POMK: variants seen among roughly 807,000 people sequenced by gnomAD.
POMK encodes protein O-mannose kinase.
Under a neutral mutation model 23.0 loss-of-function variants are expected in POMK, and 19 were observed. The ratio of observed to expected loss-of-function variants is 0.83; its 90% CI spans 0.58 to 1.21. POMK has a LOEUF of 1.21. Ranked by LOEUF, POMK falls within the 50% of genes most tolerant of loss-of-function variation. The probability of loss-of-function intolerance (pLI) is 0.00; values close to 1 mark genes in which losing one functional copy is unlikely to be tolerated. For missense variants in POMK, 410 were observed against 431.3 expected (o/e 0.95, Z 0.44); for synonymous variants, 173 against 171.6 (o/e 1.01, Z -0.06).
rs1186833383 is a variant in POMK at position 43,103,771 on chromosome 8, G to A, written c.223G>A (p.Glu75Lys). Residue 75 changes from glutamate (E) to lysine (K), a missense_variant, in exon 4 of 5, where the codon GAG becomes AAG. Glu to Lys is a moderately conservative substitution (Grantham distance 56). Transcript: ENST00000331373. Reference protein sequence around the residue: ...MKNCSPWLSCEELRTEVRQLK... With the variant: ...MKNCSPWLSCKELRTEVRQLK... ...AAACTGCTCACCTTGGCTGTCCTGC[G>A]AGGAGCTGAGAACAGAAGTGAGACA... 3 of 1,614,112 alleles carry A rather than the reference G, an allele frequency of 1.9e-6. No homozygotes were observed. Among genetic ancestry groups the A allele is most frequent in the South Asian group, 2.2e-5 (2 of 91,090 alleles).
intron 4 of POMK, among the ~76,000 whole-genome samples, chr8:43,112,407 G>A (rs1811692359): frequency 6.6e-6 from 1 of 152,198 alleles, no homozygotes; most frequent in Admixed American, 6.5e-5. Flanking sequence ...AGAAATGTGG[G>A]ACTATGTGAA....
intron 1 of POMK, among the ~76,000 whole-genome samples, chr8:43,094,558 CT>C (rs1811294779): frequency 6.6e-6 from 1 of 152,242 alleles, no homozygotes; most frequent in African/African-American, 2.4e-5. Flanking sequence ...CTTTGCCACC[CT>C]TTGCCTTTGC....
intron 1 of POMK, among the ~76,000 whole-genome samples, chr8:43,097,236 G>T (rs887345631): frequency 3.3e-5 from 5 of 152,182 alleles, no homozygotes; most frequent in African/African-American, 1.2e-4. Context: ...GATTCAGTAG[G>T]TTTGGAGTGT....
At chr8:43,115,623 A>G (rs117715318) in intron 4 of POMK, among the ~76,000 whole-genome samples, 1 of 152,210 alleles carries the variant, frequency 6.6e-6, no homozygotes, top group Non-Finnish European at 1.5e-5. Flanking sequence ...CTGACCCTGG[A>G]CTTAAATTGT....
chr8:43,122,747 A>G lies in POMK; in HGVS notation c.923A>G (p.Asp308Gly). Residue 308 changes from aspartate to glycine, a missense_variant, in exon 5 of 5, where the codon GAT becomes GGT. Physicochemically the swap from Asp to Gly is moderately conservative, Grantham distance 94 (BLOSUM62 -1). Transcript: ENST00000331373. Reference protein sequence around the residue: ...GSDMVRFHLFDIHKACKSQTP... With the variant: ...GSDMVRFHLFGIHKACKSQTP... ...GATATGGTCCGATTCCATTTGTTTG[A>G]TATTCACAAAGCATGCAAGAGCCAG... 7 of 1,614,152 alleles carry G rather than the reference A, an allele frequency of 4.3e-6. No homozygotes were observed. The highest frequency in any genetic ancestry group is 5.9e-6 in the Non-Finnish European group (7 of 1,180,024).
chr8:43,113,689 C>A (rs1393902493), intron 4 of POMK, among the ~76,000 whole-genome samples: 1 of 152,166 alleles, frequency 6.6e-6, no homozygotes, highest in Non-Finnish European at 1.5e-5. Context: ...AGACGCTCTG[C>A]TTTTTAGAGT....
chr8:43,103,881 A>G, intron 4 of POMK, 51 bp downstream of exon 4: 3 of 1,572,996 alleles, frequency 1.9e-6, no homozygotes, highest in Non-Finnish European at 2.6e-6. Flanking sequence ...TTCGCTTAAC[A>G]CAGTGTCCTC....
At chr8:43,099,742 G>A (rs1811400446) in intron 2 of POMK, among the ~76,000 whole-genome samples, 1 of 152,170 alleles carries the variant, frequency 6.6e-6, no homozygotes, top group African/African-American at 2.4e-5. Flanking sequence ...TGGGCTCGGG[G>A]CCAGTTTCAT....
chr8:43,099,285 G>T (rs1359108428), intron 2 of POMK, among the ~76,000 whole-genome samples: 2 of 151,998 alleles, frequency 1.3e-5, no homozygotes, highest in African/African-American at 4.8e-5. Context: ...TGTTTTTTTT[G>T]AATCTTTTGA....
At chr8:43,107,883 G>A (rs1273622491) in intron 4 of POMK, among the ~76,000 whole-genome samples, 1 of 151,966 alleles carries the variant, frequency 6.6e-6, no homozygotes, top group East Asian at 1.9e-4. Flanking sequence ...GGGTTTCACT[G>A]TGTTGCCCAG....
intron 2 of POMK, among the ~76,000 whole-genome samples, chr8:43,099,069 C>G (rs1811389058): frequency 6.6e-6 from 1 of 152,214 alleles, no homozygotes. Flanking sequence ...ACCTCAGCCT[C>G]CTGAGTAGCT....
At chr8:43,103,953 T>G (rs1282692482) in intron 4 of POMK, 123 bp downstream of exon 4, 1 of 968,660 alleles carries the variant, frequency 1.0e-6, no homozygotes. Context: ...CAAAGTGTAC[T>G]CCATTGCATA....
chr8:43,118,733 A>C (rs1811850926), intron 4 of POMK, among the ~76,000 whole-genome samples: 1 of 152,218 alleles, frequency 6.6e-6, no homozygotes, highest in Admixed American at 6.5e-5. Flanking sequence ...TTTATCTGAA[A>C]CAAAAATGAA....
chr8:43,097,437 AG>A (rs1811356917), intron 1 of POMK, 86 bp from the exon 2 acceptor site: 2 of 152,250 alleles, frequency 1.3e-5, no homozygotes, highest in Non-Finnish European at 2.9e-5. Flanking sequence ...CTTTAAAAAA[AG>A]ATCTGAAAAA....
Position 43,122,182 on chromosome 8 carries a change from C to G in POMK, c.358C>G (p.Leu120Val). 1 of 1,614,178 alleles carries G rather than the reference C, an allele frequency of 6.2e-7. No homozygotes were observed. ...LTSLEMKDDF[L>V]HGLQMLKSLQ... is the part of the protein sequence containing the mutation. ...CAGCCTGGAGATGAAAGATGATTTC[C>G]TCCATGGACTGCAGATGCTGAAATC... Residue 120 changes from leucine (L) to valine (V), a missense_variant, in exon 5 of 5, where the codon CTC becomes GTC. Transcript: ENST00000331373.
rs1404290325 is a variant in POMK at position 43,122,861 on chromosome 8, C to A, written c.1037C>A (p.Ala346Glu). 1 of 1,609,244 alleles carries A rather than the reference C, an allele frequency of 6.2e-7. No individual in the cohort carries two copies. The highest frequency in any genetic ancestry group is 8.5e-7 in the Non-Finnish European group (1 of 1,178,642). ...CTTAGAGATGCCATGATGTCTCAGG[C>A]AAGAGAGATGCTGTGAAAACCAGTC... ...DTLRDAMMSQ[A>E]REML The change falls in exon 5 of 5, where the codon GCA becomes GAA. Residue 346 changes from alanine (A) to glutamate (E), a missense_variant. Physicochemically the swap from Ala to Glu is moderately radical, Grantham distance 107. Coordinates refer to ENST00000331373, the MANE Select transcript of POMK (RefSeq NM_032237.5).
rs200107258 is a variant in POMK at position 43,098,805 on chromosome 8, A to G, written c.-118+1190A>G. ...GTATTATAGCCATCCTCATGGGTGT[A>G]AAATGCCATCTTGTCACACTTCTGA... On this transcript the variant is annotated intron_variant, in intron 2 of 4. Transcript: ENST00000331373. Among the ~76,000 whole-genome samples the G allele has an allele frequency of 2.6e-5, 4 of 152,208 alleles. No homozygotes were observed. In the East Asian group the frequency reaches 7.7e-4, roughly 29 times the overall value.
chr8:43,116,620 T>TA (rs1811804406), intron 4 of POMK, among the ~76,000 whole-genome samples: 1 of 152,174 alleles, frequency 6.6e-6, no homozygotes, highest in African/African-American at 2.4e-5. Flanking sequence ...ATCTCATAGG[T>TA]AATACATTGA....
chr8:43,120,753 C>T (rs373870694), intron 4 of POMK, among the ~76,000 whole-genome samples: 6 of 151,318 alleles, frequency 4.0e-5, no homozygotes, highest in South Asian at 4.2e-4. Flanking sequence ...TCTTGGCTTA[C>T]GGCAACCTCT....
Sources: gnomAD v4.1 joint callset for allele counts (sites outside exome capture counted in the v4.1 genomes callset) on GRCh38, gnomAD v4.1.1 for gene constraint, MANE v1.5 for transcripts, NCBI Gene and HGNC (gene_info 2026-07-23, HGNC 2026-07-21) for gene names.